Variants in SIPA1L3 observed in about 807,000 individuals in gnomAD.
The protein encoded by SIPA1L3 is signal-induced proliferation-associated 1-like protein 3.
A neutral mutation model predicts 150.1 loss-of-function variants in SIPA1L3; 59 were observed. That is an observed-to-expected ratio of 0.39 (90% CI 0.32 to 0.49). The LOEUF is 0.49. Among genes scored for constraint, SIPA1L3 ranks in the 20% least tolerant of loss-of-function variants. The probability of loss-of-function intolerance (pLI) is 0.86; values close to 1 mark genes in which losing one functional copy is unlikely to be tolerated. For missense variants in SIPA1L3, 2,211 were observed against 2,489.5 expected, an observed-to-expected ratio of 0.89 and a Z score of 2.38; for synonymous variants, 1,070 against 1,077.6, an observed-to-expected ratio of 0.99 and a Z score of 0.14.
rs1333256492 is a variant in SIPA1L3 at position 38,082,434 on chromosome 19, G to T, written c.869G>T (p.Gly290Val). The T allele has an allele frequency of 1.9e-6, 3 of 1,591,398 alleles. No individual in the cohort carries two copies. The highest frequency in any genetic ancestry group is 8.5e-7 in the Non-Finnish European group (1 of 1,171,770). ...AAGGCCCGGAAGAAACCTGCGCGGG[G>T]CCTCGGCGGCGGGGACACGGTGGAC... is the stretch of plus-strand genomic sequence containing the variant. ...KEKARKKPAR[G>V]LGGGDTVDSS... The change falls in exon 3 of 22, where the codon GGC becomes GTC. Residue 290 changes from glycine (G) to valine (V), a missense_variant. This residue lies in a region of SIPA1L3 where 587 missense variants were observed against 534.5 expected (regional missense o/e 1.10). Coordinates refer to ENST00000222345, the MANE Select transcript of SIPA1L3 (RefSeq NM_015073.3).
At chr19:37,936,306 C>A (rs1318196356) in intron 1 of SIPA1L3, among the ~76,000 whole-genome samples, 1 of 152,186 alleles carries the variant, frequency 6.6e-6, no homozygotes, top group East Asian at 1.9e-4. Context: ...TGGGCATTCA[C>A]CTGCCAGCAC....
chr19:38,030,826 C>T (rs1300585883), intron 2 of SIPA1L3, among the ~76,000 whole-genome samples: 3 of 151,976 alleles, frequency 2.0e-5, no homozygotes, highest in Non-Finnish European at 2.9e-5. Flanking sequence ...CCTTCCTGGA[C>T]GATTCCCAGC....
Position 38,101,045 on chromosome 19 carries a change from T to C in SIPA1L3, c.1855-7T>C. ...CTGCCTCCACAAAGCCACTCTTGCC[T>C]CTGCAGCTCTGCCGGAAGCACAAGG... On this transcript the variant is annotated splice_region_variant and splice_polypyrimidine_tract_variant and intron_variant, in intron 5 of 21. Coordinates refer to ENST00000222345, the MANE Select transcript of SIPA1L3 (RefSeq NM_015073.3). 6.5e-7 allele frequency: 1 copy of C among 1,538,992 alleles called. No individual in the cohort carries two copies. Among genetic ancestry groups the C allele is most frequent in the Non-Finnish European group, 8.8e-7 (1 of 1,141,218 alleles).
At chr19:38,194,448 G>A (rs1972876147) in intron 18 of SIPA1L3, among the ~76,000 whole-genome samples, 1 of 152,082 alleles carries the variant, frequency 6.6e-6, no homozygotes, top group Non-Finnish European at 1.5e-5. Context: ...AGGGGCGTGA[G>A]GCTGTTTAGG....
At chr19:38,076,006 T>A (rs1461070905) in intron 2 of SIPA1L3, among the ~76,000 whole-genome samples, 1 of 151,798 alleles carries the variant, frequency 6.6e-6, no homozygotes, top group East Asian at 1.9e-4. Context: ...CTGGCCGTGG[T>A]GGCGGGCGCG....
At chr19:38,205,652 C>T (rs961994035) in intron 21 of SIPA1L3, among the ~76,000 whole-genome samples, 15 of 152,220 alleles carry the variant, frequency 9.9e-5, no homozygotes, top group African/African-American at 3.1e-4. Flanking sequence ...TCGGGGGCTA[C>T]GTCCTCCTGG....
intron 2 of SIPA1L3, among the ~76,000 whole-genome samples, chr19:38,076,359 TA>T (rs1276157604): frequency 6.6e-6 from 1 of 151,940 alleles, no homozygotes; most frequent in Non-Finnish European, 1.5e-5. Context: ...TAAACAAACA[TA>T]AACATGCAGA....
chr19:38,101,491 C>T (rs2063778915), intron 6 of SIPA1L3, among the ~76,000 whole-genome samples: 3 of 152,164 alleles, frequency 2.0e-5, no homozygotes, highest in Admixed American at 1.3e-4. Flanking sequence ...TCACTGCAAC[C>T]TCTACCTCCC....
chr19:38,011,349 G>A (rs989300624), intron 1 of SIPA1L3, among the ~76,000 whole-genome samples: 1 of 152,076 alleles, frequency 6.6e-6, no homozygotes, highest in Admixed American at 6.6e-5. Context: ...GGTGATGTGC[G>A]CCTGTAGTCC....
intron 1 of SIPA1L3, among the ~76,000 whole-genome samples, chr19:37,951,738 AT>A (rs1202987603): frequency 6.6e-6 from 1 of 151,998 alleles, no homozygotes; most frequent in Non-Finnish European, 1.5e-5. Flanking sequence ...CTCTACTAAA[AT>A]GCAAAAAATT....
At chr19:38,065,461 G>A (rs1002350662) in intron 2 of SIPA1L3, among the ~76,000 whole-genome samples, 1 of 149,712 alleles carries the variant, frequency 6.7e-6, no homozygotes, top group African/African-American at 2.5e-5. Flanking sequence ...TATTGCCCAG[G>A]CTGGAGTACA....
chr19:38,198,346 A>C, intron 18 of SIPA1L3, 43 bp from the exon 19 acceptor site: 1 of 1,467,910 alleles, frequency 6.8e-7, no homozygotes, highest in Non-Finnish European at 9.0e-7. Context: ...TGTCTCCCGC[A>C]TTGTCACACT....
In SIPA1L3 at chr19:38,091,560, T is replaced by C. The variant is rs112497479; in HGVS notation, c.1665+2709T>C. Among the ~76,000 whole-genome samples, 141 of 152,334 alleles carry C rather than the reference T, an allele frequency of 9.3e-4. 2 individuals are homozygous for C. The East Asian group carries it at 0.022, about 24-fold the overall frequency. ...AGACCCTGTTGTCCTCATTTACAGA[T>C]GACAGAACAGGCACAGAGAGGTTAA... On this transcript the variant is annotated intron_variant, in intron 4 of 21. Transcript: ENST00000222345.
intron 2 of SIPA1L3, among the ~76,000 whole-genome samples, chr19:38,049,026 G>A (rs1048442759): frequency 3.3e-5 from 5 of 151,650 alleles, no homozygotes; most frequent in African/African-American, 1.2e-4. Flanking sequence ...AGGTTGCAGT[G>A]AGCTGAGATT....
rs565662118 is a variant in SIPA1L3 at position 37,956,987 on chromosome 19, G to A, written c.-379+49629G>A. Among the ~76,000 whole-genome samples, 19 of 152,072 alleles carry A rather than the reference G, an allele frequency of 1.2e-4. No individual in the cohort carries two copies. The East Asian group carries it at 3.5e-3, about 28-fold the overall frequency. ...ATCATTTTTGTGTATTACATAAGGGGCCTAAATTTATCTTTTTGCGTATTA... is the reference window on the plus strand; with the variant it reads ...ATCATTTTTGTGTATTACATAAGGGACCTAAATTTATCTTTTTGCGTATTA... On this transcript the variant is annotated intron_variant, in intron 1 of 21. Coordinates refer to ENST00000222345, the MANE Select transcript of SIPA1L3 (RefSeq NM_015073.3).
chr19:37,960,560 C>G (rs557840655), intron 1 of SIPA1L3, among the ~76,000 whole-genome samples: 2 of 151,946 alleles, frequency 1.3e-5, no homozygotes, highest in Non-Finnish European at 2.9e-5. Flanking sequence ...CCCACCACCA[C>G]GCCTGGCTAA....
intron 1 of SIPA1L3, among the ~76,000 whole-genome samples, chr19:37,933,466 G>T (rs1370854683): frequency 2.0e-5 from 3 of 152,232 alleles, no homozygotes; most frequent in East Asian, 3.9e-4. Context: ...TCTATGCTCT[G>T]CTTCCCAGCT....
At chr19:38,202,747 C>A (rs139659277) in intron 20 of SIPA1L3, among the ~76,000 whole-genome samples, 1 of 152,286 alleles carries the variant, frequency 6.6e-6, no homozygotes, top group East Asian at 1.9e-4. Context: ...GCCTCACGCT[C>A]ACCCTTCCCA....
intron 2 of SIPA1L3, among the ~76,000 whole-genome samples, chr19:38,067,478 C>T (rs903094395): frequency 6.6e-6 from 1 of 151,880 alleles, no homozygotes; most frequent in Non-Finnish European, 1.5e-5. Context: ...AACACCAATC[C>T]TCAGCCGGGC....
Sources: gnomAD v4.1 joint callset for allele counts (sites outside exome capture counted in the v4.1 genomes callset) on GRCh38, gnomAD v4.1.1 for gene constraint, gnomAD v4.1.1 regional missense constraint, MANE v1.5 for transcripts, NCBI Gene and HGNC (gene_info 2026-07-23, HGNC 2026-07-21) for gene names.